Variants in MCTP1 observed in about 807,000 individuals in gnomAD.
MCTP1 encodes multiple C2 and transmembrane domain-containing protein 1.
MCTP1 carries 69 observed loss-of-function variants against 120.6 expected under a neutral mutation model. That is an observed-to-expected ratio of 0.57 (90% CI 0.47 to 0.70). MCTP1 has a LOEUF of 0.70. Among genes scored for constraint, MCTP1 ranks in the 30% least tolerant of loss-of-function variants. The pLI is 0.00. For synonymous variants in MCTP1, 529 were observed against 493.1 expected, an observed-to-expected ratio of 1.07 and a Z score of -0.96; for missense variants, 1,203 against 1,248.8, an observed-to-expected ratio of 0.96 and a Z score of 0.55.
At chr5:95,091,850 T>C (rs1755866593) in intron 1 of MCTP1, among the ~76,000 whole-genome samples, 1 of 152,208 alleles carries the variant, frequency 6.6e-6, no homozygotes, top group South Asian at 2.1e-4. Context: ...AGTACAGAAG[T>C]GGGGTTTACC....
intron 1 of MCTP1, among the ~76,000 whole-genome samples, chr5:95,146,159 T>C (rs1178874963): frequency 6.6e-6 from 1 of 152,190 alleles, no homozygotes; most frequent in Non-Finnish European, 1.5e-5. Context: ...CCTCAAGATT[T>C]TCTAAATTTG....
intron 1 of MCTP1, among the ~76,000 whole-genome samples, chr5:95,068,390 G>A (rs970124151): frequency 6.6e-6 from 1 of 152,166 alleles, no homozygotes; most frequent in Non-Finnish European, 1.5e-5. Flanking sequence ...CCAACAGACA[G>A]TAAACATAGG....
At chr5:94,847,654 G>C (rs1792722086) in intron 17 of MCTP1, among the ~76,000 whole-genome samples, 1 of 108,618 alleles carries the variant, frequency 9.2e-6, no homozygotes, top group Non-Finnish European at 2.0e-5. Flanking sequence ...ATCTGTGTGT[G>C]TGTGTGTGTG....
chr5:94,955,297 C>A (rs1376559024), intron 2 of MCTP1, among the ~76,000 whole-genome samples: 2 of 152,174 alleles, frequency 1.3e-5, no homozygotes, highest in African/African-American at 4.8e-5. Context: ...CCTTGGGTGC[C>A]TATGTCACAA....
intron 1 of MCTP1, among the ~76,000 whole-genome samples, chr5:95,206,865 G>A (rs545809089): frequency 1.3e-5 from 2 of 152,124 alleles, no homozygotes; most frequent in South Asian, 2.1e-4. Context: ...AAGGCACTTG[G>A]TTTTGCATTA....
chr5:94,951,865 A>C (rs1219696571), intron 3 of MCTP1, among the ~76,000 whole-genome samples: 1 of 152,108 alleles, frequency 6.6e-6, no homozygotes, highest in East Asian at 1.9e-4. Context: ...TATGTAGTTA[A>C]AGACAGTTCA....
chr5:94,896,160 C>T (rs1355651047), intron 10 of MCTP1, among the ~76,000 whole-genome samples: 1 of 152,014 alleles, frequency 6.6e-6, no homozygotes, highest in Non-Finnish European at 1.5e-5. Context: ...ATCAATAATA[C>T]CTGGAACAAA....
At chr5:95,213,567 G>A (rs924556596) in intron 1 of MCTP1, among the ~76,000 whole-genome samples, 15 of 151,802 alleles carry the variant, frequency 9.9e-5, no homozygotes, top group African/African-American at 3.6e-4. Flanking sequence ...TCAATCCTAA[G>A]CCAAAAGAAC....
chr5:94,852,425 G>A (rs1293649251), intron 17 of MCTP1, among the ~76,000 whole-genome samples: 2 of 151,760 alleles, frequency 1.3e-5, no homozygotes, highest in African/African-American at 4.8e-5. Context: ...TCTACCCATA[G>A]CATAATTATA....
rs1750483759 is a variant in MCTP1, at chr5:95,065,724, A to G, written c.721-48240T>C. 3.3e-5 allele frequency among the ~76,000 whole-genome samples: 5 copies of G among 152,194 alleles called. No homozygotes were observed. In the South Asian group the frequency reaches 1.0e-3, roughly 31 times the overall value. Reference sequence around the variant, plus strand: ...CCTACTATCATCACTTCAATTCAATATTTTTCTAGAGGTTTTAACCACAGT... The same window carrying G: ...CCTACTATCATCACTTCAATTCAATGTTTTTCTAGAGGTTTTAACCACAGT... On this transcript the variant is annotated intron_variant, in intron 1 of 22. Transcript: ENST00000515393.
In MCTP1 at chr5:94,905,690, G is replaced by C. The variant is rs568646894; in HGVS notation, c.1652+3561C>G. Among the ~76,000 whole-genome samples, 71 of 152,344 alleles carry C rather than the reference G, an allele frequency of 4.7e-4. No individual in the cohort carries two copies. The Middle Eastern group carries it at 0.017, about 36-fold the overall frequency. On this transcript the variant is annotated intron_variant, in intron 10 of 22. Transcript: ENST00000515393. The stretch of plus-strand genomic sequence containing the variant: ...GGCTGAAGGAGGAGCAGATGTGTGG[G>C]ACTGAAGGTTAGAAGTTTAGCTTTG...
intron 19 of MCTP1, among the ~76,000 whole-genome samples, chr5:94,759,903 GAAAAAAAA>G (rs10719332): frequency 1.3e-5 from 1 of 78,906 alleles, no homozygotes. Flanking sequence ...TTTTCAAAGA[GAAAAAAAA>G]AAAAAAAAAA....
At chr5:95,180,583 G>A (rs191268817) in intron 1 of MCTP1, among the ~76,000 whole-genome samples, 108 of 151,670 alleles carry the variant, frequency 7.1e-4, no homozygotes, top group African/African-American at 2.4e-3. Context: ...TCTATCTCAC[G>A]TCTACAGTTC....
chr5:94,872,980 A>G (rs536307616), intron 13 of MCTP1, among the ~76,000 whole-genome samples, 159 bp downstream of exon 13: 1 of 152,168 alleles, frequency 6.6e-6, no homozygotes, highest in Admixed American at 6.5e-5. Context: ...CACTTTCAGG[A>G]AGGTAGGAGG....
intron 1 of MCTP1, among the ~76,000 whole-genome samples, chr5:95,150,957 A>T (rs1446420055): frequency 6.6e-6 from 1 of 152,034 alleles, no homozygotes; most frequent in East Asian, 1.9e-4. Flanking sequence ...ACAGTAAAGT[A>T]AGCATAAGAA....
intron 1 of MCTP1, among the ~76,000 whole-genome samples, chr5:95,233,321 C>CATACTTCT (rs934029560): frequency 2.7e-5 from 4 of 150,672 alleles, no homozygotes; most frequent in African/African-American, 9.7e-5. Flanking sequence ...AACTAAATGG[C>CATACTTCT]ATACTTCTTT....
At chr5:95,181,394 C>T (rs1748578886) in intron 1 of MCTP1, among the ~76,000 whole-genome samples, 1 of 152,164 alleles carries the variant, frequency 6.6e-6, no homozygotes, top group Non-Finnish European at 1.5e-5. Context: ...GCTATTCCTT[C>T]CACATAATAT....
intron 19 of MCTP1, among the ~76,000 whole-genome samples, chr5:94,724,412 ATTTTT>A (rs34497014): frequency 1.4e-5 from 2 of 138,496 alleles, no homozygotes; most frequent in Non-Finnish European, 1.6e-5. Flanking sequence ...CGTCTGGCTA[ATTTTT>A]TTTTTTTTTT....
At chr5:95,267,236 AC>A (rs1758974307) in intron 1 of MCTP1, among the ~76,000 whole-genome samples, 1 of 152,162 alleles carries the variant, frequency 6.6e-6, no homozygotes, top group Non-Finnish European at 1.5e-5. Flanking sequence ...TCCTTATAGA[AC>A]CCTCTCCAAA....
Sources: allele counts gnomAD v4.1 joint callset (sites outside exome capture counted in the v4.1 genomes callset), GRCh38; gene constraint gnomAD v4.1.1; transcripts MANE v1.5; gene names NCBI Gene and HGNC (gene_info 2026-07-23, HGNC 2026-07-21).